Variants in LRRC7 observed in about 807,000 individuals in gnomAD.
LRRC7 encodes leucine rich repeat containing 7.
In LRRC7, 23 loss-of-function variants were observed where a neutral mutation model predicts 175.7. That is an observed-to-expected ratio of 0.13 (90% CI 0.09 to 0.19). The LOEUF is 0.19. Among genes scored for constraint, LRRC7 ranks in the 10% least tolerant of loss-of-function variants. The pLI is 1.00. For missense variants in LRRC7, 1,354 were observed against 1,904.7 expected, an observed-to-expected ratio of 0.71 and a Z score of 5.38; for synonymous variants, 685 against 680.9, an observed-to-expected ratio of 1.01 and a Z score of -0.09.
At chr1:69,736,584 T>G (rs1668139407) in intron 2 of LRRC7, among the ~76,000 whole-genome samples, 1 of 152,110 alleles carries the variant, frequency 6.6e-6, no homozygotes, top group Non-Finnish European at 1.5e-5. Context: ...ATAAAAATTT[T>G]TACTGGGAAA....
At chr1:69,873,557 G>A (rs1254398831) in intron 7 of LRRC7, 5 of 517,316 alleles carry the variant, frequency 9.7e-6, no homozygotes, top group Non-Finnish European at 1.6e-5. Flanking sequence ...GCAGCTTTTC[G>A]GGCACCAGAA....
At chr1:69,840,813 C>G (rs907504438) in intron 7 of LRRC7, among the ~76,000 whole-genome samples, 2 of 151,930 alleles carry the variant, frequency 1.3e-5, no homozygotes, top group Admixed American at 1.3e-4. Flanking sequence ...ATACAGTGAA[C>G]TTCTGTAAAT....
chr1:69,763,434 T>G lies in LRRC7; in HGVS notation c.303+3041T>G, dbSNP rs1323293851. Among the ~76,000 whole-genome samples the G allele has an allele frequency of 5.3e-5, 8 of 152,072 alleles. No homozygotes were observed. The East Asian group carries it at 1.3e-3, about 26-fold the overall frequency. Reference sequence around the variant, plus strand: ...TCAACTAATTTGTCTGCAGATCTCATTGGCGTTAATTGTGTCACATGTTTA... The same window carrying G: ...TCAACTAATTTGTCTGCAGATCTCAGTGGCGTTAATTGTGTCACATGTTTA... On this transcript the variant is annotated intron_variant, in intron 3 of 26. Coordinates refer to ENST00000651989, the MANE Select transcript of LRRC7 (RefSeq NM_001370785.2).
At chr1:69,575,257 T>C (rs114192091) in intron 1 of LRRC7, among the ~76,000 whole-genome samples, 1,666 of 152,160 alleles carry the variant, frequency 0.011, 34 homozygotes, top group African/African-American at 0.038. Flanking sequence ...AACCACACCC[T>C]TGGAACTACT....
intron 2 of LRRC7, among the ~76,000 whole-genome samples, chr1:69,712,523 T>C (rs1280271954): frequency 1.3e-5 from 2 of 152,194 alleles, no homozygotes; most frequent in Non-Finnish European, 2.9e-5. Flanking sequence ...GAGAATTGCT[T>C]GAACCCAGGA....
At position 69,763,995 on chromosome 1, in the gene LRRC7, G is replaced by A. The variant is rs145051247; in HGVS notation, c.303+3602G>A. Reference sequence around the variant, plus strand: ...TATAAGATGTTATGTAATACAATGGGTAGAGAACAAAAAGTCAAGGTAAAA... The same window carrying A: ...TATAAGATGTTATGTAATACAATGGATAGAGAACAAAAAGTCAAGGTAAAA... On this transcript the variant is annotated intron_variant, in intron 3 of 26. Transcript: ENST00000651989. Among the ~76,000 whole-genome samples the A allele has an allele frequency of 1.0e-3, 156 of 152,014 alleles. 2 individuals are homozygous for A. The highest frequency in any genetic ancestry group is 3.6e-3 in the African/African-American group (148 of 41,494).
intron 26 of LRRC7, among the ~76,000 whole-genome samples, chr1:70,110,171 G>A (rs1665428061): frequency 6.6e-6 from 1 of 152,150 alleles, no homozygotes; most frequent in Non-Finnish European, 1.5e-5. Context: ...CTTGAAGCCA[G>A]AAGTTTAAGG....
chr1:70,047,215 CT>C (rs1188836519), intron 22 of LRRC7, among the ~76,000 whole-genome samples: 2 of 152,134 alleles, frequency 1.3e-5, no homozygotes, highest in African/African-American at 2.4e-5. Context: ...GAAGCTGTCT[CT>C]TTTATTCATA....
chr1:69,977,932 C>T (rs961206619), intron 8 of LRRC7, among the ~76,000 whole-genome samples: 45 of 152,210 alleles, frequency 3.0e-4, no homozygotes, highest in African/African-American at 1.0e-3. Flanking sequence ...CAAGTTTATA[C>T]ATCAGTCTCT....
At chr1:69,675,722 T>G (rs1317262399) in intron 1 of LRRC7, among the ~76,000 whole-genome samples, 1 of 152,054 alleles carries the variant, frequency 6.6e-6, no homozygotes, top group Non-Finnish European at 1.5e-5. Flanking sequence ...TTGATATAAT[T>G]TAGTTCGCAT....
intron 1 of LRRC7, among the ~76,000 whole-genome samples, chr1:69,648,706 C>T (rs1145922): frequency 0.22 from 33,532 of 152,166 alleles, 4,186 homozygotes; most frequent in South Asian, 0.29. Flanking sequence ...TACATACTGG[C>T]TTCCAGCTCT....
chr1:69,939,341 A>T (rs1648457484), intron 8 of LRRC7, among the ~76,000 whole-genome samples: 1 of 152,010 alleles, frequency 6.6e-6, no homozygotes, highest in Admixed American at 6.6e-5. Context: ...TGTCTCTGAC[A>T]TGAAGAGGCT....
At chr1:69,951,135 C>T (rs983487144) in intron 8 of LRRC7, among the ~76,000 whole-genome samples, 5 of 150,252 alleles carry the variant, frequency 3.3e-5, no homozygotes, top group Admixed American at 6.6e-5. Context: ...AGGACATGAA[C>T]GTACTTTTCA....
At chr1:69,875,872 T>C (rs1245122786) in intron 7 of LRRC7, among the ~76,000 whole-genome samples, 1 of 152,072 alleles carries the variant, frequency 6.6e-6, no homozygotes, top group Non-Finnish European at 1.5e-5. Flanking sequence ...CTAAACATAT[T>C]CAGTAAAGAA....
At chr1:69,806,829 G>T (rs1227533811) in intron 4 of LRRC7, among the ~76,000 whole-genome samples, 1 of 151,878 alleles carries the variant, frequency 6.6e-6, no homozygotes, top group Non-Finnish European at 1.5e-5. Flanking sequence ...GAAGATTCCT[G>T]GTGTCAGCTT....
chr1:69,962,518 G>A (rs1651199536), intron 8 of LRRC7, among the ~76,000 whole-genome samples: 2 of 152,144 alleles, frequency 1.3e-5, no homozygotes, highest in Admixed American at 6.5e-5. Flanking sequence ...CTGTTATAAA[G>A]ATGGATACAC....
At chr1:69,616,157 G>A (rs963657425) in intron 1 of LRRC7, among the ~76,000 whole-genome samples, 5 of 151,872 alleles carry the variant, frequency 3.3e-5, no homozygotes, top group East Asian at 1.9e-4. Context: ...AGTAAATATC[G>A]CATTTACTTA....
intron 7 of LRRC7, among the ~76,000 whole-genome samples, chr1:69,908,093 A>T (rs931306911): frequency 3.9e-5 from 6 of 152,062 alleles, no homozygotes; most frequent in African/African-American, 1.4e-4. Flanking sequence ...TATTTCTGTG[A>T]CATCAGTGGT....
chr1:69,683,518 A>G (rs1660752582), intron 2 of LRRC7, among the ~76,000 whole-genome samples: 1 of 152,124 alleles, frequency 6.6e-6, no homozygotes, highest in African/African-American at 2.4e-5. Context: ...CTGTGCTTCA[A>G]CCAAACTGGC....
Sources: allele counts gnomAD v4.1 joint callset (sites outside exome capture counted in the v4.1 genomes callset), GRCh38; gene constraint gnomAD v4.1.1; transcripts MANE v1.5; gene names NCBI Gene and HGNC (gene_info 2026-07-23, HGNC 2026-07-21).